Variants in EGF observed in about 807,000 individuals in gnomAD.
EGF encodes pro-epidermal growth factor.
EGF carries 95 observed loss-of-function variants against 143.8 expected under a neutral mutation model. The ratio of observed to expected loss-of-function variants is 0.66; its 90% CI spans 0.56 to 0.78. The LOEUF is 0.78. Among genes scored for constraint, EGF ranks in the 30% least tolerant of loss-of-function variants. The pLI is 0.00. For synonymous variants in EGF, 510 were observed against 510.5 expected (o/e 1.00, Z 0.01); for missense variants, 1,320 against 1,470.9 (o/e 0.90, Z 1.68).
In EGF at chr4:109,924,807, G is replaced by A. The variant is rs143210268; in HGVS notation, c.127+11345G>A. 3.0e-3 allele frequency among the ~76,000 whole-genome samples: 458 copies of A among 152,186 alleles called. 1 individual carries two copies. Among genetic ancestry groups the A allele is most frequent in the South Asian group, 0.012 (59 of 4,812 alleles). On this transcript the variant is annotated intron_variant, in intron 1 of 23. Coordinates refer to ENST00000265171, the MANE Select transcript of EGF (RefSeq NM_001963.6). ...TGGCTACGTAAGAGCTGAAAGCAACGTAAATCTCCATAGATCTGACCAAAA... is the reference window on the plus strand; with the variant it reads ...TGGCTACGTAAGAGCTGAAAGCAACATAAATCTCCATAGATCTGACCAAAA...
rs1746229648 is a variant in EGF, at chr4:109,964,534, T to A, written c.1572T>A (p.Asn524Lys). The stretch of plus-strand genomic sequence containing the variant: ...CCCTAGATCATGACCCTGTGGAAAA[T>A]AAGGTATGGTTTTGTTACTTGAACA... ...VYALDHDPVE[N>K]KIYFAHTALK... The change falls in exon 10 of 24, where the codon AAT (asparagine) becomes AAA (lysine). Residue 524 changes from asparagine to lysine, a missense_variant. By Grantham distance (94) the Asn-to-Lys change is moderately conservative. Around this residue, in one of 5 missense-constraint regions of EGF, gnomAD observed 1,186 missense variants for 1,313.7 expected, o/e 0.90. Transcript: ENST00000265171. The A allele has an allele frequency of 5.0e-6, 8 of 1,613,558 alleles. No individual in the cohort carries two copies. Among genetic ancestry groups the A allele is most frequent in the African/African-American group, 2.7e-5 (2 of 74,854 alleles).
intron 11 of EGF, among the ~76,000 whole-genome samples, chr4:109,970,371 G>A (rs1747368435): frequency 6.6e-6 from 1 of 152,166 alleles, no homozygotes; most frequent in Admixed American, 6.5e-5. Flanking sequence ...TGGCCATCCT[G>A]AACATCTGGT....
At position 109,980,054 on chromosome 4, in the gene EGF, G is replaced by A; in HGVS notation, c.2136G>A (p.Lys712=). 1 of 1,614,020 alleles carries A rather than the reference G, an allele frequency of 6.2e-7. No individual in the cohort carries two copies. Residue 712 remains lysine (K), a synonymous_variant, in exon 14 of 24, where the codon AAG becomes AAA. Transcript: ENST00000265171. ...WAMPSVMRVN[K]RTGKDRVRLQ... ...TGCCATCAGTAATGAGAGTAAACAA[G>A]AGGACTGGCAAAGATAGAGTACGTC...
At chr4:109,918,553 G>A (rs2125927337) in intron 1 of EGF, among the ~76,000 whole-genome samples, 1 of 152,280 alleles carries the variant, frequency 6.6e-6, no homozygotes, top group East Asian at 1.9e-4. Flanking sequence ...TGGGGGCTGT[G>A]ATGAGGAAGG....
chr4:109,980,213 A>T, intron 14 of EGF, 74 bp downstream of exon 14: 22 of 1,410,008 alleles, frequency 1.6e-5, no homozygotes, highest in Non-Finnish European at 1.9e-5. Flanking sequence ...GATGTCATGC[A>T]GTTGGCGGGG....
chr4:109,983,450 A>T lies in EGF; in HGVS notation c.2400A>T (p.Val800=), dbSNP rs190681731. 1 of 1,613,770 alleles carries T rather than the reference A, an allele frequency of 6.2e-7. No individual in the cohort carries two copies. Among genetic ancestry groups the T allele is most frequent in the East Asian group, 2.2e-5 (1 of 44,830 alleles). Residue 800 remains valine (V), a synonymous_variant, in exon 16 of 24, where the codon GTA becomes GTT. Transcript: ENST00000265171. ...AGGEVDLKNQ[V]TPLDILSKTR... ...GTGAAGTTGATCTAAAGAACCAAGT[A>T]ACACCATTGGACATCTTGTCCAAGA...
intron 3 of EGF, 140 bp downstream of exon 3, chr4:109,943,575 T>C: frequency 1.1e-6 from 1 of 936,370 alleles, no homozygotes; most frequent in South Asian, 1.6e-5. Context: ...CCGTTTTCTA[T>C]AGGACAGTTG....
Position 109,913,190 on chromosome 4 carries a change from C to A in EGF, c.-146C>A. 1 of 936,020 alleles carries A rather than the reference C, an allele frequency of 1.1e-6. No homozygotes were observed. Among genetic ancestry groups the A allele is most frequent in the Non-Finnish European group, 1.7e-6 (1 of 597,544 alleles). The allele number at this position is 936,020 out of a possible 1,614,324, so 58.0% of individuals were successfully genotyped here. On this transcript the variant is annotated 5_prime_UTR_variant, in exon 1 of 24. Transcript: ENST00000265171. The stretch of plus-strand genomic sequence containing the variant: ...GTTGAAGAAAGAGCTTGGAGGACAA[C>A]AGCACAACAGGAGAGTAAAAGATGC...
chr4:110,004,263 C>T (rs1752967393), intron 21 of EGF: 8 of 536,032 alleles, frequency 1.5e-5, no homozygotes, highest in South Asian at 7.5e-5. Context: ...AACACACACA[C>T]ACCCTCTACC....
At chr4:109,954,951 T>A (rs1424582938) in intron 5 of EGF, among the ~76,000 whole-genome samples, 1 of 152,190 alleles carries the variant, frequency 6.6e-6, no homozygotes, top group Admixed American at 6.5e-5. Flanking sequence ...CTTTACAAAG[T>A]GTTATTCAAA....
intron 23 of EGF, 49 bp downstream of exon 23, chr4:110,008,279 C>A: frequency 6.2e-7 from 1 of 1,601,950 alleles, no homozygotes; most frequent in Non-Finnish European, 8.5e-7. Context: ...TTACTTAGAT[C>A]CTGACTGTTT....
chr4:109,933,198 G>A (rs1231178421), intron 1 of EGF, among the ~76,000 whole-genome samples: 1 of 152,200 alleles, frequency 6.6e-6, no homozygotes, highest in Admixed American at 6.5e-5. Context: ...CAGGCCTCTG[G>A]CTTTCTGTCT....
intron 18 of EGF, among the ~76,000 whole-genome samples, chr4:109,991,039 A>G (rs1442158211): frequency 1.3e-5 from 2 of 152,130 alleles, no homozygotes; most frequent in Non-Finnish European, 2.9e-5. Flanking sequence ...GCGGAAGACT[A>G]AAATCTGAGG....
rs537640466 is a variant in EGF at position 110,001,995 on chromosome 4, C to G, written c.3173+2149C>G. The G allele has an allele frequency of 3.2e-5, 32 of 985,438 alleles. 1 individual carries two copies. In the African/African-American group the frequency reaches 4.9e-4, roughly 15 times the overall value. 61.0% of individuals were successfully genotyped at this position (985,438 alleles called of 1,614,324 possible). A position where few individuals can be genotyped will look rare whatever the true frequency, so the allele number is the denominator to read the frequency against. On this transcript the variant is annotated intron_variant, in intron 21 of 23. Transcript: ENST00000265171. ...CACTATAGATCAATTCTGACAAGAT[C>G]AAATTAAAACTGCTAGTCTAAATGT...
intron 1 of EGF, among the ~76,000 whole-genome samples, chr4:109,924,606 C>T (rs187036825): frequency 6.6e-6 from 1 of 152,288 alleles, no homozygotes; most frequent in East Asian, 1.9e-4. Flanking sequence ...TGATGACTTA[C>T]AGATCCTCTT....
intron 1 of EGF, among the ~76,000 whole-genome samples, chr4:109,918,287 G>T (rs1737063507): frequency 1.3e-5 from 2 of 150,518 alleles, no homozygotes; most frequent in Middle Eastern, 6.8e-3. Context: ...TCAAGTAAAG[G>T]TGGGTTATTC....
chr4:109,940,994 T>C lies in EGF; in HGVS notation c.176T>C (p.Ile59Thr), dbSNP rs373571617. The C allele has an allele frequency of 3.1e-6, 5 of 1,613,984 alleles. No individual in the cohort carries two copies. In the Admixed American group the frequency reaches 6.7e-5, roughly 22 times the overall value. Residue 59 changes from isoleucine (I) to threonine (T), a missense_variant, in exon 2 of 24, where the codon ATT becomes ACT. Coordinates refer to ENST00000265171, the MANE Select transcript of EGF (RefSeq NM_001963.6). ...IFSHGNSIFR[I>T]DTEGTNYEQL... Reference sequence around the variant, plus strand: ...TCCCATGGAAATAGTATCTTTAGGATTGACACAGAAGGAACCAATTATGAG... The same window carrying C: ...TCCCATGGAAATAGTATCTTTAGGACTGACACAGAAGGAACCAATTATGAG...
At chr4:109,962,111 G>A (rs547581084) in intron 8 of EGF, 126 bp downstream of exon 8, 171 of 1,469,806 alleles carry the variant, frequency 1.2e-4, no homozygotes, top group Non-Finnish European at 1.6e-4. Flanking sequence ...GAAAGATATT[G>A]TTACAACAGA....
rs761442826 is a variant in EGF, at chr4:109,959,388, C to T, written c.1017C>T (p.Cys339=). The T allele has an allele frequency of 2.5e-6, 4 of 1,613,184 alleles. No individual in the cohort carries two copies. The African/African-American group carries it at 5.4e-5, about 22-fold the overall frequency. The change falls in exon 6 of 24, where the codon TGC becomes TGT. Residue 339 remains cysteine, a synonymous_variant. Transcript: ENST00000265171. ...GGCAAGACCTCCAGTCACACTTGTG[C>T]ATGTGTGCAGAGGGATACGCCCTAA... ...VCGQDLQSHL[C]MCAEGYALSR...
Sources: allele counts gnomAD v4.1 joint callset (sites outside exome capture counted in the v4.1 genomes callset), GRCh38; gene constraint gnomAD v4.1.1; regional missense constraint gnomAD v4.1.1; transcripts MANE v1.5; gene names NCBI Gene and HGNC (gene_info 2026-07-23, HGNC 2026-07-21).